USP48: variants seen among roughly 807,000 people sequenced by gnomAD.
USP48 encodes the protein ubiquitin carboxyl-terminal hydrolase 48.
USP48 carries 43 observed loss-of-function variants against 150.7 expected under a neutral mutation model. The observed-to-expected ratio is 0.29, with a 90% confidence interval of 0.22 to 0.37. USP48 has a LOEUF of 0.37. Among genes scored for constraint, USP48 ranks in the 10% least tolerant of loss-of-function variants. The pLI, the probability that USP48 is intolerant of heterozygous loss-of-function variation, is 1.00. For synonymous variants in USP48, 396 were observed against 425.9 expected (o/e 0.93, Z 0.86); for missense variants, 813 against 1,249.6 (o/e 0.65, Z 5.27).
chr1:21,680,242 C>T (rs1041645160), intron 26 of USP48, among the ~76,000 whole-genome samples: 5 of 152,176 alleles, frequency 3.3e-5, no homozygotes, highest in Admixed American at 1.3e-4. Context: ...CAGGAAAATC[C>T]GAAAACGTCA....
chr1:21,727,972 T>C (rs545071151), intron 11 of USP48: 1 of 985,452 alleles, frequency 1.0e-6, no homozygotes, highest in Admixed American at 6.1e-5. Flanking sequence ...AAATGGCACA[T>C]CAGCCTTTAA....
At chr1:21,705,451 T>C (rs758177760) in intron 19 of USP48, among the ~76,000 whole-genome samples, 4 of 152,200 alleles carry the variant, frequency 2.6e-5, no homozygotes, top group Non-Finnish European at 5.9e-5. Context: ...GTCTCAGCAC[T>C]GGTCACCAGC....
intron 14 of USP48, among the ~76,000 whole-genome samples, chr1:21,716,429 G>A (rs1488642394): frequency 1.3e-5 from 2 of 152,012 alleles, no homozygotes; most frequent in East Asian, 1.9e-4. Flanking sequence ...GAAGCAGGAG[G>A]GTATGAGATA....
intron 9 of USP48, among the ~76,000 whole-genome samples, chr1:21,734,504 T>C (rs1478144274): frequency 1.3e-5 from 2 of 152,238 alleles, no homozygotes; most frequent in South Asian, 2.1e-4. Flanking sequence ...GTAGAGATGA[T>C]GCATATGCCT....
intron 8 of USP48, among the ~76,000 whole-genome samples, chr1:21,743,657 C>T (rs1196865654): frequency 6.6e-6 from 1 of 152,046 alleles, no homozygotes. Flanking sequence ...TAAGTGGTTA[C>T]ACTTAAGGGG....
chr1:21,681,072 G>A, intron 25 of USP48: 1 of 386,824 alleles, frequency 2.6e-6, no homozygotes, highest in Non-Finnish European at 4.6e-6. Flanking sequence ...GACAAGGTTT[G>A]TAACTAGGGC....
At chr1:21,728,525 A>G (rs1360084052) in intron 11 of USP48, 45 bp downstream of exon 11, 1 of 1,576,190 alleles carries the variant, frequency 6.3e-7, no homozygotes, top group South Asian at 1.2e-5. Context: ...ATAAAAAAAC[A>G]AGGCACTTAA....
At position 21,696,930 on chromosome 1, in the gene USP48, G is replaced by C. The variant is rs991180681; in HGVS notation, c.2728-1709C>G. Among the ~76,000 whole-genome samples, 69 of 152,076 alleles carry C rather than the reference G, an allele frequency of 4.5e-4. 1 individual carries two copies. Among genetic ancestry groups the C allele is most frequent in the Non-Finnish European group, 8.1e-4 (55 of 67,986 alleles). ...ATGGGGGGTGAGTGAGAGGCGCAGG[G>C]GAGATTCTTCTGCTAACCAGGCCAG... On this transcript the variant is annotated intron_variant, in intron 22 of 26. Transcript: ENST00000308271.
intron 15 of USP48, among the ~76,000 whole-genome samples, chr1:21,708,882 C>T (rs1487445887): frequency 6.1e-5 from 3 of 49,124 alleles, no homozygotes; most frequent in Non-Finnish European, 1.2e-4. Context: ...AAGACTCCGT[C>T]TCAAAAAAAA....
intron 24 of USP48, among the ~76,000 whole-genome samples, 182 bp downstream of exon 24, chr1:21,689,792 T>C (rs2097591989): frequency 6.6e-6 from 1 of 152,062 alleles, no homozygotes; most frequent in Non-Finnish European, 1.5e-5. Flanking sequence ...TGTCCTGACC[T>C]CCTCTAAGTC....
chr1:21,766,540 G>A (rs996400981), intron 1 of USP48, among the ~76,000 whole-genome samples: 2 of 152,062 alleles, frequency 1.3e-5, no homozygotes, highest in Non-Finnish European at 2.9e-5. Context: ...GAGTACACAC[G>A]ATGAGTGGAA....
At chr1:21,721,972 TGA>T (rs2097722095) in intron 12 of USP48, among the ~76,000 whole-genome samples, 2 of 152,066 alleles carry the variant, frequency 1.3e-5, no homozygotes, top group South Asian at 2.1e-4. Context: ...TAAAGAACAA[TGA>T]GAGACAAAAT....
chr1:21,776,833 G>A (rs1174191841), intron 1 of USP48, among the ~76,000 whole-genome samples: 7 of 152,032 alleles, frequency 4.6e-5, no homozygotes, highest in African/African-American at 2.4e-5. Flanking sequence ...TGCAATGCCA[G>A]CTACTCGGGA....
intron 6 of USP48, among the ~76,000 whole-genome samples, chr1:21,750,958 A>G (rs2097810944): frequency 6.6e-6 from 1 of 152,174 alleles, no homozygotes; most frequent in Non-Finnish European, 1.5e-5. Flanking sequence ...TGAGGAAGTA[A>G]GAAAGCACAA....
chr1:21,680,357 C>A (rs936058649), intron 26 of USP48, among the ~76,000 whole-genome samples: 1 of 152,212 alleles, frequency 6.6e-6, no homozygotes, highest in African/African-American at 2.4e-5. Flanking sequence ...AATAATCCAA[C>A]AAATGCCTTA....
chr1:21,699,267 C>T (rs1485697108), intron 22 of USP48, among the ~76,000 whole-genome samples: 4 of 147,758 alleles, frequency 2.7e-5, no homozygotes, highest in African/African-American at 7.5e-5. Context: ...GGCGAGATCA[C>T]GGCTCACCGC....
intron 1 of USP48, among the ~76,000 whole-genome samples, chr1:21,779,226 C>T (rs189042571): frequency 2.0e-5 from 3 of 151,948 alleles, no homozygotes; most frequent in Non-Finnish European, 4.4e-5. Flanking sequence ...CAGAGTGAGA[C>T]CTCATTAAAA....
At position 21,702,091 on chromosome 1, in the gene USP48, GATA is replaced by G. The variant is rs562164089; in HGVS notation, c.2623-492_2623-490del. ...GAATAATGAAACTACATCTAAATTG[GATA>G]ATATTTTATACCAGAGAACAAAAGA... On this transcript the variant is annotated intron_variant, in intron 21 of 26. Coordinates refer to ENST00000308271, the MANE Select transcript of USP48 (RefSeq NM_032236.8). Among the ~76,000 whole-genome samples, 109 of 152,188 alleles carry G rather than the reference GATA, an allele frequency of 7.2e-4. 1 individual carries two copies. Among genetic ancestry groups the G allele is most frequent in the Admixed American group, 6.5e-4 (10 of 15,288 alleles).
intron 11 of USP48, among the ~76,000 whole-genome samples, chr1:21,727,036 A>C (rs1470804286): frequency 6.6e-6 from 1 of 152,204 alleles, no homozygotes; most frequent in Non-Finnish European, 1.5e-5. Context: ...TCACAGCATC[A>C]AAAACATCTG....
Sources: allele counts gnomAD v4.1 joint callset (sites outside exome capture counted in the v4.1 genomes callset), GRCh38; gene constraint gnomAD v4.1.1; transcripts MANE v1.5; gene names NCBI Gene and HGNC (gene_info 2026-07-23, HGNC 2026-07-21).